USH2A: variants seen among roughly 807,000 people sequenced by gnomAD.
USH2A encodes the protein Usher syndrome 2A (autosomal recessive, mild).
USH2A carries 443 observed loss-of-function variants against 538.9 expected under a neutral mutation model. The observed-to-expected ratio is 0.82, with a 90% CI of 0.76 to 0.89. USH2A has a LOEUF of 0.89. Among genes scored for constraint, USH2A ranks in the 40% least tolerant of loss-of-function variants. The pLI, the probability that USH2A is intolerant of heterozygous loss-of-function variation, is 0.00. For synonymous variants in USH2A, 2,413 were observed against 2,273.5 expected (o/e 1.06, Z -1.75); for missense variants, 6,633 against 6,324.8 (o/e 1.05, Z -1.65).
chr1:215,773,269 A>G (rs115500167), intron 55 of USH2A, among the ~76,000 whole-genome samples: 1,952 of 152,142 alleles, frequency 0.013, 44 homozygotes, highest in African/African-American at 0.045. Context: ...AGCCACTTGT[A>G]CTGTAAGGCT....
intron 30 of USH2A, among the ~76,000 whole-genome samples, chr1:216,067,396 C>T (rs1467926749): frequency 6.6e-6 from 1 of 150,730 alleles, no homozygotes; most frequent in East Asian, 1.9e-4. Context: ...GCACATGTAT[C>T]CCAGAACTTA....
chr1:216,068,976 A>G (rs2031471018), intron 30 of USH2A, among the ~76,000 whole-genome samples: 1 of 152,138 alleles, frequency 6.6e-6, no homozygotes, highest in Non-Finnish European at 1.5e-5. Flanking sequence ...GCTGAGTGGG[A>G]TGAGAAAGGG....
intron 30 of USH2A, among the ~76,000 whole-genome samples, chr1:216,049,552 CTA>C (rs1211983691): frequency 6.6e-6 from 1 of 152,148 alleles, no homozygotes; most frequent in Non-Finnish European, 1.5e-5. Flanking sequence ...TAGATTATGA[CTA>C]TTTTTATAAA....
chr1:215,856,836 T>TGTGTGTGG (rs1553269574), intron 44 of USH2A, among the ~76,000 whole-genome samples: 5 of 75,476 alleles, frequency 6.6e-5, no homozygotes, highest in African/African-American at 6.4e-4. Flanking sequence ...AAATTTGGTG[T>TGTGTGTGG]GTGTGTGTGT....
At chr1:215,638,718 C>T (rs145376710) in intron 69 of USH2A, among the ~76,000 whole-genome samples, 6,346 of 151,772 alleles carry the variant, frequency 0.042, 182 homozygotes, top group Non-Finnish European at 0.064. Flanking sequence ...GTGGCTCATG[C>T]CTGTAATCCT....
At chr1:216,323,763 G>C in intron 7 of USH2A, 68 bp from the exon 8 acceptor site, 1 of 1,441,560 alleles carries the variant, frequency 6.9e-7, no homozygotes, top group Non-Finnish European at 9.7e-7. Context: ...AAATCAAAAT[G>C]TTGAGAAATT....
intron 21 of USH2A, among the ~76,000 whole-genome samples, chr1:216,150,551 C>A (rs548418083): frequency 6.6e-6 from 1 of 152,114 alleles, no homozygotes; most frequent in Non-Finnish European, 1.5e-5. Flanking sequence ...ACAGACTGGG[C>A]AACATCTCCC....
At chr1:216,235,790 A>T (rs537770361) in intron 13 of USH2A, among the ~76,000 whole-genome samples, 27 of 152,326 alleles carry the variant, frequency 1.8e-4, no homozygotes, top group African/African-American at 6.5e-4. Context: ...AAGGAGGGCA[A>T]TGCTGGGGCT....
Position 215,798,947 on chromosome 1 carries a change from A to G in USH2A, c.9918T>C (p.Cys3306=). The G allele has an allele frequency of 1.9e-6, 3 of 1,614,002 alleles. No individual in the cohort carries two copies. The highest frequency in any genetic ancestry group is 2.5e-6 in the Non-Finnish European group (3 of 1,179,952). Residue 3306 remains cysteine (C), a synonymous_variant, in exon 50 of 72, where the codon TGT becomes TGC. Transcript: ENST00000307340. The part of the protein sequence containing the change: ...GRQIVSNDLE[C]CGGEEGVVYN... Reference sequence around the variant, plus strand: ...ACACCACTCCTTCTTCTCCACCACAACACTCTAAATCGTTGCTCACAATCT... The same window carrying G: ...ACACCACTCCTTCTTCTCCACCACAGCACTCTAAATCGTTGCTCACAATCT...
intron 21 of USH2A, among the ~76,000 whole-genome samples, chr1:216,154,344 G>T (rs79647689): frequency 2.0e-5 from 3 of 152,090 alleles, no homozygotes; most frequent in Non-Finnish European, 4.4e-5. Context: ...AATTTGGAGT[G>T]ATAAGCAGTA....
chr1:215,877,427 A>G (rs1664798607), intron 43 of USH2A, among the ~76,000 whole-genome samples: 1 of 152,174 alleles, frequency 6.6e-6, no homozygotes, highest in Admixed American at 6.5e-5. Context: ...AGTGCCCAGG[A>G]ATTTTCCCCA....
chr1:215,810,306 T>G (rs1382784737), intron 49 of USH2A, among the ~76,000 whole-genome samples: 1 of 152,120 alleles, frequency 6.6e-6, no homozygotes, highest in African/African-American at 2.4e-5. Context: ...CTTCCATGAG[T>G]TATTTCATTT....
At chr1:215,761,307 C>A (rs915698921) in intron 56 of USH2A, among the ~76,000 whole-genome samples, 1 of 152,196 alleles carries the variant, frequency 6.6e-6, no homozygotes, top group African/African-American at 2.4e-5. Flanking sequence ...TTAGCACTCT[C>A]TTAACTCTAA....
At chr1:216,010,501 C>T (rs1186823742) in intron 32 of USH2A, among the ~76,000 whole-genome samples, 1 of 151,868 alleles carries the variant, frequency 6.6e-6, no homozygotes, top group Non-Finnish European at 1.5e-5. Context: ...TGGAAGCCCC[C>T]TAGACCATCA....
intron 30 of USH2A, among the ~76,000 whole-genome samples, chr1:216,057,619 G>A (rs1337852619): frequency 1.3e-5 from 2 of 152,152 alleles, no homozygotes; most frequent in East Asian, 1.9e-4. Context: ...CCCGGGCGGC[G>A]CAGGTTGCAG....
At chr1:216,047,351 C>A (rs961275129) in intron 31 of USH2A, among the ~76,000 whole-genome samples, 7 of 152,020 alleles carry the variant, frequency 4.6e-5, no homozygotes, top group Admixed American at 1.3e-4. Flanking sequence ...AACATAGGGC[C>A]ATTTGTCCCA....
At chr1:215,952,162 C>T (rs1019404915) in intron 37 of USH2A, among the ~76,000 whole-genome samples, 8 of 152,212 alleles carry the variant, frequency 5.3e-5, no homozygotes, top group Non-Finnish European at 1.0e-4. Flanking sequence ...CCGCGCCCGG[C>T]CTGGTTTAAA....
chr1:216,244,749 T>C (rs1468848159), intron 13 of USH2A, among the ~76,000 whole-genome samples: 1 of 152,146 alleles, frequency 6.6e-6, no homozygotes, highest in Non-Finnish European at 1.5e-5. Flanking sequence ...TACAAAGTAT[T>C]GAGATGATGG....
chr1:215,903,822 A>G (rs1384658737), intron 38 of USH2A, among the ~76,000 whole-genome samples: 2 of 152,126 alleles, frequency 1.3e-5, no homozygotes, highest in African/African-American at 2.4e-5. Context: ...TAATTCTCTC[A>G]ATTAGTAAAA....
Sources: gnomAD v4.1 joint callset for allele counts (sites outside exome capture counted in the v4.1 genomes callset) on GRCh38, gnomAD v4.1.1 for gene constraint, MANE v1.5 for transcripts, NCBI Gene and HGNC (gene_info 2026-07-23, HGNC 2026-07-21) for gene names.